The following KDM2B variants were observed in gnomAD, a reference collection of about 807,000 sequenced individuals.
KDM2B encodes lysine-specific demethylase 2B.
KDM2B carries 26 observed loss-of-function variants against 150.0 expected under a neutral mutation model. That is an observed-to-expected ratio of 0.17 (90% CI 0.13 to 0.24). KDM2B has a LOEUF of 0.24. Among genes scored for constraint, KDM2B ranks in the 10% least tolerant of loss-of-function variants. The pLI is 1.00. For missense variants in KDM2B, 1,265 were observed against 1,816.9 expected (o/e 0.70, Z 5.52); for synonymous variants, 734 against 729.5 (o/e 1.01, Z -0.10).
chr12:121,418,226 C>A, the KDM2B span: 2 of 311,518 alleles, frequency 6.4e-6, no homozygotes, highest in South Asian at 1.0e-4. Flanking sequence ...GTAGCACATA[C>A]ACATTTGTAG....
At chr12:121,431,276 C>T (rs1052147507) in intron 22 of KDM2B, among the ~76,000 whole-genome samples, 2 of 142,264 alleles carry the variant, frequency 1.4e-5, no homozygotes, top group African/African-American at 2.6e-5. Flanking sequence ...GAATTATAGG[C>T]GTGTGCCACC....
At chr12:121,538,929 G>A (rs1284893844) in intron 6 of KDM2B, among the ~76,000 whole-genome samples, 2 of 152,028 alleles carry the variant, frequency 1.3e-5, no homozygotes, top group African/African-American at 2.4e-5. Context: ...TGGTGATCCC[G>A]CTCAAATCAG....
the KDM2B span, among the ~76,000 whole-genome samples, chr12:121,412,785 C>A: frequency 7.2e-6 from 1 of 139,026 alleles, no homozygotes; most frequent in Non-Finnish European, 1.5e-5. Flanking sequence ...AGTGCAGTGG[C>A]GTGATCTCGG....
chr12:121,432,152 G>T (rs1198683995), intron 22 of KDM2B, among the ~76,000 whole-genome samples: 1 of 152,058 alleles, frequency 6.6e-6, no homozygotes, highest in Non-Finnish European at 1.5e-5. Context: ...AAAGTGCTGG[G>T]ATTATAGGTG....
chr12:121,572,047 A>C (rs1891137526), intron 4 of KDM2B, among the ~76,000 whole-genome samples: 1 of 152,096 alleles, frequency 6.6e-6, no homozygotes, highest in Non-Finnish European at 1.5e-5. Flanking sequence ...ATAAGTAAAT[A>C]ACTAACTGGG....
At position 121,518,873 on chromosome 12, in the gene KDM2B, C is replaced by G. The variant is rs914455542; in HGVS notation, c.1047+2112G>C. ...CAGGACAGGCCAAAGAACAGTTGGC[C>G]GGAGCCCCAGACAGCATTGACCCAG... is the stretch of plus-strand genomic sequence containing the variant. On this transcript the variant is annotated intron_variant, in intron 9 of 22. Coordinates refer to ENST00000377071, the MANE Select transcript of KDM2B (RefSeq NM_032590.5). This position sits in a 1 kb window ranked among gnomAD's most constrained non-coding sequence, Gnocchi z 4.4. Among the ~76,000 whole-genome samples, 1 of 152,192 alleles carries G rather than the reference C, an allele frequency of 6.6e-6. No individual in the cohort carries two copies. Among genetic ancestry groups the G allele is most frequent in the South Asian group, 2.1e-4 (1 of 4,832 alleles).
chr12:121,580,708 C>A, intron 1 of KDM2B, 78 bp downstream of exon 1: 2 of 1,515,462 alleles, frequency 1.3e-6, no homozygotes, highest in South Asian at 1.3e-5. Context: ...AAAAACGACC[C>A]CCCACCTCCG....
chr12:121,440,124 C>A, intron 21 of KDM2B, 49 bp from the exon 22 acceptor site: 1 of 1,427,996 alleles, frequency 7.0e-7, no homozygotes, highest in South Asian at 1.2e-5. Context: ...ACCGAGGAGG[C>A]CTGGTCATGC....
chr12:121,542,326 C>G (rs1208001715), intron 6 of KDM2B, among the ~76,000 whole-genome samples: 2 of 152,174 alleles, frequency 1.3e-5, no homozygotes, highest in South Asian at 4.1e-4. Flanking sequence ...TCATTCCCCC[C>G]ACTGCAACAT....
intron 11 of KDM2B, among the ~76,000 whole-genome samples, chr12:121,500,079 C>T (rs936377989): frequency 4.6e-5 from 7 of 152,118 alleles, no homozygotes; most frequent in African/African-American, 9.7e-5. Context: ...CCAGGGGGCG[C>T]CCTGGGCTCT....
rs1880165709 is a variant in KDM2B, at chr12:121,467,318, G to C, written c.1735-13974C>G. The C allele has an allele frequency of 7.1e-6, 7 of 982,482 alleles. No homozygotes were observed. In the South Asian group the frequency reaches 1.4e-4, roughly 19 times the overall value. 60.9% of individuals were successfully genotyped at this position (982,482 alleles called of 1,614,324 possible). ...CTCGCCCTGGCTCGGGCTCGGGCTC[G>C]GGCTCGGGCTCCCGCTGCCGCGAGG... On this transcript the variant is annotated intron_variant, in intron 12 of 22. Transcript: ENST00000377071. The surrounding 1 kb of genome is among the most constrained non-coding windows in gnomAD (Gnocchi z 5.1).
intron 8 of KDM2B, among the ~76,000 whole-genome samples, chr12:121,530,062 A>G (rs1887519899): frequency 6.6e-6 from 1 of 150,556 alleles, no homozygotes; most frequent in Non-Finnish European, 1.5e-5. Context: ...ACGTGTCTCT[A>G]CTAAAAACAC....
chr12:121,499,958 T>A (rs530710244), intron 11 of KDM2B, among the ~76,000 whole-genome samples: 1 of 148,846 alleles, frequency 6.7e-6, no homozygotes, highest in East Asian at 1.9e-4. Context: ...CAAAAAAAAA[T>A]AATTATTTAA....
chr12:121,466,577 G>GT (rs1566301178), intron 12 of KDM2B, among the ~76,000 whole-genome samples: 3 of 151,602 alleles, frequency 2.0e-5, no homozygotes, highest in African/African-American at 7.3e-5. Flanking sequence ...GCGCCGGCCC[G>GT]CGGCTCGCAC....
intron 8 of KDM2B, among the ~76,000 whole-genome samples, chr12:121,522,855 A>C (rs1886811307): frequency 6.6e-6 from 1 of 152,192 alleles, no homozygotes; most frequent in African/African-American, 2.4e-5. Flanking sequence ...AACAAAAATT[A>C]TGGATGAGGA....
At chr12:121,540,981 C>A (rs1189983140) in intron 6 of KDM2B, among the ~76,000 whole-genome samples, 3 of 151,930 alleles carry the variant, frequency 2.0e-5, no homozygotes, top group Admixed American at 6.6e-5. Context: ...GTTTGTAATC[C>A]CAACACTTTG....
chr12:121,433,916 A>G (rs1340314107), intron 22 of KDM2B, among the ~76,000 whole-genome samples: 2 of 149,828 alleles, frequency 1.3e-5, no homozygotes, highest in Non-Finnish European at 2.9e-5. Flanking sequence ...GCGACTGCTC[A>G]TGCCTGTAAG....
At chr12:121,426,552 C>CG (rs1173106385), downstream of KDM2B, among the ~76,000 whole-genome samples, 1 of 150,958 alleles carries the variant, frequency 6.6e-6, no homozygotes, top group Non-Finnish European at 1.5e-5. Flanking sequence ...CTCAAGCAGC[C>CG]CTCCCGCCTC....
At position 121,453,961 on chromosome 12, in the gene KDM2B, C is replaced by A. The variant is rs371750694; in HGVS notation, c.1735-617G>T. ...ACCTTTCCCACCTCCGTCTGCTCCC[C>A]AAGAAAGACCGCAAGGGGCCACACA... On this transcript the variant is annotated intron_variant, in intron 12 of 22. Transcript: ENST00000377071. The surrounding 1 kb of genome is among the most constrained non-coding windows in gnomAD (Gnocchi z 6.4). Among the ~76,000 whole-genome samples, 606 of 152,276 alleles carry A rather than the reference C, an allele frequency of 4.0e-3. 3 individuals carry two copies. Among genetic ancestry groups the A allele is most frequent in the African/African-American group, 0.014 (581 of 41,568 alleles).
Sources: gnomAD v4.1 joint callset for allele counts (sites outside exome capture counted in the v4.1 genomes callset) on GRCh38, gnomAD v4.1.1 for gene constraint, Gnocchi (gnomAD v3.1) non-coding constraint, MANE v1.5 for transcripts, NCBI Gene and HGNC (gene_info 2026-07-23, HGNC 2026-07-21) for gene names.